Variants in TRAPPC9 observed in about 807,000 individuals in gnomAD.
The protein encoded by TRAPPC9 is trafficking protein particle complex subunit 9.
A neutral mutation model predicts 124.0 loss-of-function variants in TRAPPC9; 83 were observed. The observed-to-expected ratio is 0.67, with a 90% CI of 0.56 to 0.80. The LOEUF is 0.80. TRAPPC9 is among the 30% of genes least tolerant of loss of function. TRAPPC9 has a pLI of 0.00. For missense variants in TRAPPC9, 1,302 were observed against 1,508.3 expected, an observed-to-expected ratio of 0.86 and a Z score of 2.27; for synonymous variants, 638 against 617.5, an observed-to-expected ratio of 1.03 and a Z score of -0.49.
At chr8:140,237,719 T>C (rs1301538571) in intron 16 of TRAPPC9, among the ~76,000 whole-genome samples, 1 of 152,020 alleles carries the variant, frequency 6.6e-6, no homozygotes, top group East Asian at 1.9e-4. Flanking sequence ...CAGGAAAGGT[T>C]GTCCTGAGGG....
chr8:140,271,546 A>G (rs2064882069), intron 15 of TRAPPC9, among the ~76,000 whole-genome samples: 1 of 152,132 alleles, frequency 6.6e-6, no homozygotes, highest in African/African-American at 2.4e-5. Context: ...AGAAACAGAG[A>G]TAGAGACAGA....
intron 21 of TRAPPC9, among the ~76,000 whole-genome samples, chr8:139,741,140 C>A (rs76055834): frequency 0.068 from 10,338 of 152,222 alleles, 388 homozygotes; most frequent in Middle Eastern, 0.12. Context: ...CCCCCTTGGG[C>A]GTGACACTCC....
chr8:140,252,748 G>A lies in TRAPPC9; in HGVS notation c.2431+29C>T, dbSNP rs200092401. Reference sequence around the variant, plus strand: ...GCTACACAGTATCTAGGACCCTGACGTGCTAATTAAAATTAGGAAAGCGCT... The same window carrying A: ...GCTACACAGTATCTAGGACCCTGACATGCTAATTAAAATTAGGAAAGCGCT... On this transcript the variant is annotated intron_variant, in intron 16 of 22. Transcript: ENST00000438773. The surrounding 1 kb of genome is among the most constrained non-coding windows in gnomAD (Gnocchi z 4.2). The A allele has an allele frequency of 5.1e-4, 814 of 1,611,024 alleles. No homozygotes were observed. The highest frequency in any genetic ancestry group is 6.3e-4 in the Non-Finnish European group (743 of 1,179,698).
At chr8:140,245,464 G>GGTGT (rs35366571) in intron 16 of TRAPPC9, among the ~76,000 whole-genome samples, 1,562 of 150,190 alleles carry the variant, frequency 0.01, 24 homozygotes, top group East Asian at 0.03. Context: ...TTTGTTTTGT[G>GGTGT]GTGTGTGTGT....
intron 9 of TRAPPC9, among the ~76,000 whole-genome samples, chr8:140,337,644 G>A (rs1054199087): frequency 2.6e-5 from 4 of 152,138 alleles, no homozygotes; most frequent in Admixed American, 6.5e-5. Context: ...TGCGGGTACC[G>A]GATCCACCTG....
In TRAPPC9 at chr8:139,730,795, C is replaced by A; in HGVS notation, c.*266G>T. On this transcript the variant is annotated 3_prime_UTR_variant, in exon 23 of 23. Transcript: ENST00000438773. Reference sequence around the variant, plus strand: ...GGGACCTGGGCTGGATGGGCACCCGCTTTGGGATTTCCTCTGCTTCAGCCT... The same window carrying A: ...GGGACCTGGGCTGGATGGGCACCCGATTTGGGATTTCCTCTGCTTCAGCCT... 1.9e-6 allele frequency: 1 copy of A among 514,546 alleles called. No individual in the cohort carries two copies. The highest frequency in any genetic ancestry group is 3.5e-6 in the Non-Finnish European group (1 of 286,050). The allele number at this position is 514,546 out of a possible 1,614,324, so 31.9% of individuals were successfully genotyped here.
chr8:140,276,720 G>A (rs1475737080), intron 14 of TRAPPC9, among the ~76,000 whole-genome samples: 11 of 152,096 alleles, frequency 7.2e-5, no homozygotes, highest in Non-Finnish European at 1.5e-5. Flanking sequence ...GACAAATAGA[G>A]GCATGTGACA....
At chr8:139,958,080 G>A (rs1027684926) in intron 19 of TRAPPC9, among the ~76,000 whole-genome samples, 7 of 152,160 alleles carry the variant, frequency 4.6e-5, no homozygotes, top group Admixed American at 2.0e-4. Context: ...CCAATCATGC[G>A]CGAGTCAGTT....
chr8:139,741,644 T>C (rs1306840089), intron 21 of TRAPPC9, among the ~76,000 whole-genome samples: 2 of 152,062 alleles, frequency 1.3e-5, no homozygotes, highest in Non-Finnish European at 2.9e-5. Flanking sequence ...AAAGAAACCC[T>C]GTACCCTTTT....
At chr8:140,026,020 T>C (rs2131937492) in intron 17 of TRAPPC9, among the ~76,000 whole-genome samples, 1 of 152,190 alleles carries the variant, frequency 6.6e-6, no homozygotes, top group East Asian at 1.9e-4. Flanking sequence ...TCCCTTCCTC[T>C]CGGCCCTGGC....
intron 18 of TRAPPC9, among the ~76,000 whole-genome samples, chr8:140,009,029 T>G (rs1181755181): frequency 6.6e-6 from 1 of 152,224 alleles, no homozygotes; most frequent in Non-Finnish European, 1.5e-5. Context: ...AAACTGTTTC[T>G]ATTTTTAGTC....
At chr8:140,052,134 G>A (rs1365025596) in intron 17 of TRAPPC9, among the ~76,000 whole-genome samples, 1 of 151,994 alleles carries the variant, frequency 6.6e-6, no homozygotes, top group Non-Finnish European at 1.5e-5. Context: ...CTGCATTCCA[G>A]GGTTTATAAT....
At chr8:139,832,451 T>G (rs1030027823) in intron 21 of TRAPPC9, among the ~76,000 whole-genome samples, 1 of 152,066 alleles carries the variant, frequency 6.6e-6, no homozygotes, top group Non-Finnish European at 1.5e-5. Context: ...GACGAGCAGG[T>G]ATGGCCCGAA....
Position 140,251,132 on chromosome 8 carries a change from C to T in TRAPPC9, c.2431+1645G>A, listed in dbSNP as rs567811371. ...CACTGTTCCTCAGGAATAAGACGAC[C>T]CTGGCAGGCCATGGGAGAAACCACG... On this transcript the variant is annotated intron_variant, in intron 16 of 22. Coordinates refer to ENST00000438773, the MANE Select transcript of TRAPPC9 (RefSeq NM_001160372.4). 2.0e-5 allele frequency among the ~76,000 whole-genome samples: 3 copies of T among 152,292 alleles called. No homozygotes were observed. The East Asian group carries it at 5.8e-4, about 29-fold the overall frequency.
At chr8:139,752,250 C>A (rs1169097368) in intron 21 of TRAPPC9, among the ~76,000 whole-genome samples, 1 of 151,528 alleles carries the variant, frequency 6.6e-6, no homozygotes, top group Non-Finnish European at 1.5e-5. Flanking sequence ...ATCCATCCAC[C>A]CATCTACCAT....
intron 17 of TRAPPC9, among the ~76,000 whole-genome samples, chr8:140,210,738 G>C (rs2063039968): frequency 6.6e-6 from 1 of 152,130 alleles, no homozygotes; most frequent in Admixed American, 6.5e-5. Context: ...AGCAGCGCTG[G>C]GCACCATTGC....
chr8:139,889,328 C>T (rs965033160), intron 20 of TRAPPC9, among the ~76,000 whole-genome samples: 2 of 151,998 alleles, frequency 1.3e-5, no homozygotes, highest in Non-Finnish European at 2.9e-5. Flanking sequence ...AGCAGGTGGC[C>T]TAACCACGGA....
intron 17 of TRAPPC9, among the ~76,000 whole-genome samples, chr8:140,113,343 G>C (rs944574761): frequency 1.1e-4 from 16 of 152,250 alleles, no homozygotes; most frequent in African/African-American, 3.9e-4. Context: ...ATTTCCAGCA[G>C]GACCATCAGG....
chr8:139,965,292 T>TAGAG (rs1563646133), intron 19 of TRAPPC9, among the ~76,000 whole-genome samples: 1 of 152,206 alleles, frequency 6.6e-6, no homozygotes, highest in Non-Finnish European at 1.5e-5. Context: ...ATGTGCCCTC[T>TAGAG]ATAACTTGCA....
Sources: gnomAD v4.1 joint callset for allele counts (sites outside exome capture counted in the v4.1 genomes callset) on GRCh38, gnomAD v4.1.1 for gene constraint, Gnocchi (gnomAD v3.1) non-coding constraint, MANE v1.5 for transcripts, NCBI Gene and HGNC (gene_info 2026-07-23, HGNC 2026-07-21) for gene names.